RUNX1T1: variants seen among roughly 807,000 people sequenced by gnomAD.
The protein encoded by RUNX1T1 is protein CBFA2T1.
RUNX1T1 carries 4 observed loss-of-function variants against 62.8 expected under a neutral mutation model. That is an observed-to-expected ratio of 0.06 (90% CI 0.03 to 0.15). The LOEUF is 0.15. Among genes scored for constraint, RUNX1T1 ranks in the 10% least tolerant of loss-of-function variants. The pLI, the probability that RUNX1T1 is intolerant of heterozygous loss-of-function variation, is 1.00. For missense variants in RUNX1T1, 508 were observed against 754.3 expected (o/e 0.67, Z 3.82); for synonymous variants, 291 against 286.0 (o/e 1.02, Z -0.18).
upstream of RUNX1T1, chr8:92,099,753 G>A (rs950014659): frequency 1.9e-6 from 1 of 524,022 alleles, no homozygotes; most frequent in African/African-American, 2.1e-5. Context: ...AAAGAAGTGA[G>A]AAACAGGATT....
At chr8:92,020,378 A>T (rs1823844788) in intron 1 of RUNX1T1, among the ~76,000 whole-genome samples, 1 of 152,202 alleles carries the variant, frequency 6.6e-6, no homozygotes, top group African/African-American at 2.4e-5. Context: ...CTCCATTTCA[A>T]ATTAGAGGAC....
chr8:92,059,296 A>G (rs1301958525), intron 1 of RUNX1T1, among the ~76,000 whole-genome samples: 1 of 152,180 alleles, frequency 6.6e-6, no homozygotes, highest in Non-Finnish European at 1.5e-5. Context: ...TTATTCTTGC[A>G]TAATAGCATT....
intron 10 of RUNX1T1, among the ~76,000 whole-genome samples, chr8:91,969,376 T>A (rs1298468287): frequency 6.6e-6 from 1 of 152,234 alleles, no homozygotes; most frequent in Non-Finnish European, 1.5e-5. Context: ...CCCTAAAATG[T>A]TCATGTGAAA....
At chr8:91,959,445 T>TATATGTGC (rs1563589331) in exon 11 of RUNX1T1, 6 of 117,288 alleles carry the variant, frequency 5.1e-5, no homozygotes, top group African/African-American at 1.7e-4. Context: ...TGTGTGTGTG[T>TATATGTGC]GTGTGTGTGT....
chr8:91,975,075 G>T (rs1422433011), intron 9 of RUNX1T1, among the ~76,000 whole-genome samples: 1 of 152,214 alleles, frequency 6.6e-6, no homozygotes, highest in Non-Finnish European at 1.5e-5. Context: ...TTAAGAGCTG[G>T]AGTTACAGCA....
intron 1 of RUNX1T1, among the ~76,000 whole-genome samples, chr8:92,084,865 T>C (rs1835852820): frequency 1.3e-5 from 2 of 152,166 alleles, no homozygotes. Context: ...TTCAACATCC[T>C]CATATCCCCC....
intron 1 of RUNX1T1, among the ~76,000 whole-genome samples, chr8:92,085,816 G>C (rs1836021756): frequency 6.6e-6 from 1 of 151,966 alleles, no homozygotes. Context: ...CTCTCACATA[G>C]GGGTCAACTA....
upstream of RUNX1T1, among the ~76,000 whole-genome samples, chr8:92,101,300 G>A (rs889700257): frequency 1.3e-5 from 2 of 152,158 alleles, no homozygotes; most frequent in African/African-American, 4.8e-5. Flanking sequence ...TACAGGCTCT[G>A]GGCAGATTAA....
intron 1 of RUNX1T1, among the ~76,000 whole-genome samples, chr8:92,025,311 C>T (rs576806538): frequency 6.6e-6 from 1 of 152,290 alleles, no homozygotes; most frequent in South Asian, 2.1e-4. Flanking sequence ...CTTAACAGGA[C>T]ATAGAAAGAC....
chr8:92,048,991 A>C lies in RUNX1T1; in HGVS notation c.7+13555T>G, dbSNP rs556971578. 4.6e-5 allele frequency among the ~76,000 whole-genome samples: 7 copies of C among 152,350 alleles called. No individual in the cohort carries two copies. The East Asian group carries it at 1.4e-3, about 29-fold the overall frequency. ...CGTCACATGCGACTCTGTATCATGC[A>C]GGTCTCTTCTGGAGGCCTGTGGCCC... On this transcript the variant is annotated intron_variant, in intron 1 of 10. Transcript: ENST00000396218.
chr8:92,000,910 G>A (rs1190908964), intron 5 of RUNX1T1, among the ~76,000 whole-genome samples: 3 of 152,208 alleles, frequency 2.0e-5, no homozygotes, highest in Non-Finnish European at 2.9e-5. Flanking sequence ...TTTAAATTCT[G>A]CACATTAAAA....
At chr8:91,970,085 A>G (rs1347543060) in intron 10 of RUNX1T1, among the ~76,000 whole-genome samples, 1 of 151,302 alleles carries the variant, frequency 6.6e-6, no homozygotes, top group African/African-American at 2.4e-5. Context: ...GAACAATAAT[A>G]TATGTAACAT....
intron 2 of RUNX1T1, among the ~76,000 whole-genome samples, chr8:92,074,088 C>T (rs910565447): frequency 1.3e-5 from 2 of 152,116 alleles, no homozygotes; most frequent in African/African-American, 4.8e-5. Flanking sequence ...TGTATACAGA[C>T]ATCATGTTTA....
chr8:92,039,381 G>A (rs1386009418), intron 1 of RUNX1T1, among the ~76,000 whole-genome samples: 1 of 152,054 alleles, frequency 6.6e-6, no homozygotes, highest in African/African-American at 2.4e-5. Flanking sequence ...CTCCCTTTGT[G>A]AAACTCTTTG....
intron 8 of RUNX1T1, among the ~76,000 whole-genome samples, chr8:91,977,997 A>G (rs1053059020): frequency 1.3e-5 from 2 of 152,156 alleles, no homozygotes; most frequent in Admixed American, 6.5e-5. Context: ...CATGTTGGCC[A>G]GGCTGGTCTC....
chr8:92,045,297 A>G (rs538268769), intron 1 of RUNX1T1, among the ~76,000 whole-genome samples: 78 of 152,262 alleles, frequency 5.1e-4, no homozygotes, highest in African/African-American at 1.8e-3. Context: ...AAAATTGTCT[A>G]TCCATCACAT....
upstream of RUNX1T1, among the ~76,000 whole-genome samples, chr8:92,064,269 C>T (rs910753765): frequency 1.1e-4 from 17 of 152,160 alleles, no homozygotes; most frequent in African/African-American, 3.9e-4. Flanking sequence ...CTTTATCCAG[C>T]GAACCCCTCA....
chr8:91,985,903 A>G (rs188514491), intron 8 of RUNX1T1, among the ~76,000 whole-genome samples: 46 of 152,300 alleles, frequency 3.0e-4, no homozygotes, highest in Non-Finnish European at 5.3e-4. Context: ...CATCAGCTCA[A>G]TACACTCACC....
At chr8:91,962,235 T>C (rs898731186) in intron 10 of RUNX1T1, among the ~76,000 whole-genome samples, 12 of 152,080 alleles carry the variant, frequency 7.9e-5, no homozygotes, top group Non-Finnish European at 1.5e-4. Context: ...CATCAGACAT[T>C]GCTATGTTGA....
Sources: allele counts gnomAD v4.1 joint callset (sites outside exome capture counted in the v4.1 genomes callset), GRCh38; gene constraint gnomAD v4.1.1; transcripts MANE v1.5; gene names NCBI Gene and HGNC (gene_info 2026-07-23, HGNC 2026-07-21).